Variants in KLHL1 observed in about 807,000 individuals in gnomAD.
The protein encoded by KLHL1 is kelch-like protein 1.
In KLHL1, 47 loss-of-function variants were observed where a neutral mutation model predicts 77.7. The ratio of observed to expected loss-of-function variants is 0.60; its 90% confidence interval spans 0.48 to 0.77. The LOEUF is 0.77. Ranked by LOEUF, KLHL1 falls within the 30% of genes least tolerant of loss-of-function variation. KLHL1 has a pLI of 0.00. For missense variants in KLHL1, 925 were observed against 910.8 expected (o/e 1.02, Z -0.20); for synonymous variants, 360 against 325.2 (o/e 1.11, Z -1.15).
At chr13:69,771,067 T>C (rs993179089) in intron 7 of KLHL1, among the ~76,000 whole-genome samples, 4 of 152,228 alleles carry the variant, frequency 2.6e-5, no homozygotes, top group Admixed American at 6.5e-5. Flanking sequence ...AAGACAATGC[T>C]GTTCTGCTGC....
At chr13:70,073,290 C>T (rs1022272906) in intron 1 of KLHL1, among the ~76,000 whole-genome samples, 1 of 152,074 alleles carries the variant, frequency 6.6e-6, no homozygotes, top group Non-Finnish European at 1.5e-5. Context: ...CCATCATTCT[C>T]AGCAAACTAT....
At chr13:69,809,257 A>G (rs892726526) in intron 6 of KLHL1, among the ~76,000 whole-genome samples, 7 of 152,202 alleles carry the variant, frequency 4.6e-5, no homozygotes, top group African/African-American at 1.7e-4. Context: ...CACAGTCATC[A>G]GACTATGCAA....
At chr13:69,758,073 ATATT>A (rs1433019576) in intron 7 of KLHL1, among the ~76,000 whole-genome samples, 2 of 151,540 alleles carry the variant, frequency 1.3e-5, no homozygotes, top group African/African-American at 2.4e-5. Flanking sequence ...TCTGATGGAG[ATATT>A]TAGTTTTTCA....
At chr13:70,043,132 C>A (rs188784970) in intron 1 of KLHL1, among the ~76,000 whole-genome samples, 2 of 151,948 alleles carry the variant, frequency 1.3e-5, no homozygotes, top group East Asian at 1.9e-4. Flanking sequence ...CTCGAACTCC[C>A]GACCTCTGGT....
chr13:69,869,260 G>A (rs1300346506), intron 5 of KLHL1, among the ~76,000 whole-genome samples: 1 of 151,726 alleles, frequency 6.6e-6, no homozygotes, highest in Non-Finnish European at 1.5e-5. Context: ...TTTATCATAT[G>A]GAAAGTAAAT....
intron 8 of KLHL1, among the ~76,000 whole-genome samples, chr13:69,725,647 ATAATAGTAGC>A (rs113278656): frequency 0.083 from 12,685 of 152,228 alleles, 625 homozygotes; most frequent in Non-Finnish European, 0.1. Context: ...GCTATGTGTT[ATAATAGTAGC>A]AAGTGTCAAG....
At chr13:69,886,105 T>C (rs1881206806) in intron 4 of KLHL1, among the ~76,000 whole-genome samples, 1 of 152,152 alleles carries the variant, frequency 6.6e-6, no homozygotes, top group Non-Finnish European at 1.5e-5. Flanking sequence ...AAAACTTTGA[T>C]GGTCTTATAT....
At chr13:70,033,729 CAT>C (rs1353842898) in intron 1 of KLHL1, among the ~76,000 whole-genome samples, 1 of 144,304 alleles carries the variant, frequency 6.9e-6, no homozygotes, top group African/African-American at 2.6e-5. Flanking sequence ...AAGCTATTCT[CAT>C]GTCTCAGCCT....
rs112263438 is a variant in KLHL1, at chr13:69,884,526, C to T, written c.1015-2031G>A. Among the ~76,000 whole-genome samples, 80 of 151,910 alleles carry T rather than the reference C, an allele frequency of 5.3e-4. 1 individual carries two copies. The highest frequency in any genetic ancestry group is 1.8e-3 in the African/African-American group (75 of 41,448). On this transcript the variant is annotated intron_variant, in intron 4 of 10. Coordinates refer to ENST00000377844, the MANE Select transcript of KLHL1 (RefSeq NM_020866.3). ...TTTCCAGTTACTAAAAAATCTATGCCTCCATTAAACCACACACAGAACTCT... is the reference window on the plus strand; with the variant it reads ...TTTCCAGTTACTAAAAAATCTATGCTTCCATTAAACCACACACAGAACTCT...
intron 1 of KLHL1, among the ~76,000 whole-genome samples, chr13:70,071,342 G>T (rs1887133514): frequency 6.6e-6 from 1 of 152,002 alleles, no homozygotes; most frequent in Non-Finnish European, 1.5e-5. Flanking sequence ...GTACCTAGCA[G>T]CAGTGTCAAA....
intron 9 of KLHL1, among the ~76,000 whole-genome samples, chr13:69,708,741 C>T (rs753290177): frequency 2.6e-5 from 4 of 151,862 alleles, no homozygotes; most frequent in African/African-American, 9.7e-5. Context: ...GAAACCGTAC[C>T]TTTGCCTTTG....
chr13:70,010,085 G>A (rs751810533), intron 1 of KLHL1, among the ~76,000 whole-genome samples: 10 of 151,622 alleles, frequency 6.6e-5, no homozygotes, highest in African/African-American at 2.2e-4. Flanking sequence ...AAGGAAACAA[G>A]TGTAGCTAGA....
intron 7 of KLHL1, among the ~76,000 whole-genome samples, chr13:69,750,073 T>A (rs1874405770): frequency 6.6e-6 from 1 of 151,532 alleles, no homozygotes; most frequent in South Asian, 2.1e-4. Context: ...TTTAAATTAA[T>A]AATAATGTAT....
At chr13:69,739,049 A>T (rs1593787205) in intron 8 of KLHL1, among the ~76,000 whole-genome samples, 1 of 152,270 alleles carries the variant, frequency 6.6e-6, no homozygotes, top group Non-Finnish European at 1.5e-5. Context: ...CTAATAGCAG[A>T]CCTCTCAGCA....
chr13:69,858,349 G>A (rs1174548844), intron 5 of KLHL1, among the ~76,000 whole-genome samples: 5 of 152,112 alleles, frequency 3.3e-5, no homozygotes, highest in Non-Finnish European at 5.9e-5. Flanking sequence ...TTTAATGAAA[G>A]ACATAACTGT....
At chr13:69,907,624 G>A (rs980699327) in intron 4 of KLHL1, among the ~76,000 whole-genome samples, 1 of 151,874 alleles carries the variant, frequency 6.6e-6, no homozygotes, top group African/African-American at 2.4e-5. Context: ...GTATTCTGTG[G>A]GAAAAATTGG....
intron 1 of KLHL1, among the ~76,000 whole-genome samples, chr13:70,047,613 G>C (rs988672684): frequency 6.6e-6 from 1 of 152,064 alleles, no homozygotes; most frequent in Non-Finnish European, 1.5e-5. Flanking sequence ...TTCTAAGCCA[G>C]TATTTTCATT....
intron 1 of KLHL1, among the ~76,000 whole-genome samples, chr13:69,989,390 G>A (rs75459199): frequency 6.6e-6 from 1 of 152,036 alleles, no homozygotes; most frequent in South Asian, 2.1e-4. Context: ...CAGGAGTCAG[G>A]CAGTATGACT....
At chr13:70,008,597 A>G (rs1885459778) in intron 1 of KLHL1, among the ~76,000 whole-genome samples, 1 of 152,100 alleles carries the variant, frequency 6.6e-6, no homozygotes, top group Non-Finnish European at 1.5e-5. Flanking sequence ...TATATTTCCT[A>G]TAGTTTTCCC....
Sources: gnomAD v4.1 joint callset for allele counts (sites outside exome capture counted in the v4.1 genomes callset) on GRCh38, gnomAD v4.1.1 for gene constraint, MANE v1.5 for transcripts, NCBI Gene and HGNC (gene_info 2026-07-23, HGNC 2026-07-21) for gene names.